The following KCNAB2 variants were observed in gnomAD, a reference collection of about 807,000 sequenced individuals.
KCNAB2 encodes the protein voltage-gated potassium channel subunit beta-2.
Under a neutral mutation model 63.6 loss-of-function variants are expected in KCNAB2, and 29 were observed. The ratio of observed to expected loss-of-function variants is 0.46; its 90% CI spans 0.34 to 0.62. KCNAB2 has a LOEUF of 0.62. KCNAB2 is among the 20% of genes least tolerant of loss of function. The pLI, the probability that KCNAB2 is intolerant of heterozygous loss-of-function variation, is 0.01. For missense variants in KCNAB2, 359 were observed against 563.9 expected (o/e 0.64, Z 3.68); for synonymous variants, 222 against 224.2 (o/e 0.99, Z 0.09).
chr1:6,080,742 A>C (rs1325155858), intron 4 of KCNAB2, among the ~76,000 whole-genome samples: 1 of 152,152 alleles, frequency 6.6e-6, no homozygotes, highest in African/African-American at 2.4e-5. Flanking sequence ...TCCCACGTGC[A>C]GCATTTGGGC....
chr1:6,083,303 G>A (rs1051655096), intron 5 of KCNAB2, among the ~76,000 whole-genome samples: 59 of 152,142 alleles, frequency 3.9e-4, no homozygotes, highest in African/African-American at 2.4e-4. Flanking sequence ...CCACCTCTTC[G>A]CTGCCTGCTT....
intron 1 of KCNAB2, among the ~76,000 whole-genome samples, chr1:6,008,622 C>CAA (rs141192143): frequency 0.019 from 2,617 of 137,650 alleles, 29 homozygotes; most frequent in Middle Eastern, 0.042. Flanking sequence ...GAGACTGTCT[C>CAA]AAAAAAAAAA....
At position 6,096,835 on chromosome 1, in the gene KCNAB2, G is replaced by A; in HGVS notation, c.1069+79G>A. ...TGGCCGTAGGTAACAGGGTGGGGTT[G>A]CCATGGGGCCAGTGTCTCCGGGGAG... On this transcript the variant is annotated intron_variant, in intron 14 of 15. Coordinates refer to ENST00000378083, the MANE Select transcript of KCNAB2 (RefSeq NM_001199862.2). This position sits in a 1 kb window ranked among gnomAD's most constrained non-coding sequence, Gnocchi z 5.9. The A allele has an allele frequency of 6.9e-7, 1 of 1,451,632 alleles. No homozygotes were observed. Among genetic ancestry groups the A allele is most frequent in the Non-Finnish European group, 9.2e-7 (1 of 1,090,922 alleles). 89.9% of individuals were successfully genotyped at this position (1,451,632 alleles called of 1,614,324 possible).
chr1:6,099,864 C>T lies in KCNAB2; in HGVS notation c.*1290C>T, dbSNP rs986165038. ...GCAGGACAGGCCAGAGTGACGCCCC[C>T]GTGCAGCTTGGGCCGGAGGGCAAGG... On this transcript the variant is annotated 3_prime_UTR_variant, in exon 16 of 16. Coordinates refer to ENST00000378083, the MANE Select transcript of KCNAB2 (RefSeq NM_001199862.2). The T allele has an allele frequency of 7.1e-6, 11 of 1,549,164 alleles. No homozygotes were observed. The highest frequency in any genetic ancestry group is 2.7e-5 in the African/African-American group (2 of 73,048).
chr1:6,017,782 C>T (rs1658596393), intron 1 of KCNAB2, among the ~76,000 whole-genome samples: 1 of 149,678 alleles, frequency 6.7e-6, no homozygotes, highest in Non-Finnish European at 1.5e-5. Flanking sequence ...CAGAGCAAGA[C>T]TGTCTCAAAA....
chr1:6,099,617 C>G lies in KCNAB2; in HGVS notation c.*1043C>G. 2.5e-6 allele frequency: 2 copies of G among 799,584 alleles called. No individual in the cohort carries two copies. Among genetic ancestry groups the G allele is most frequent in the East Asian group, 2.8e-5 (1 of 35,128 alleles). 49.5% of individuals were successfully genotyped at this position (799,584 alleles called of 1,614,324 possible). ...GCCAGCCCAGGCCGCTGCTCTGCAC[C>G]GAGCTGGTGGGCTTGGGTTTTGTGG... On this transcript the variant is annotated 3_prime_UTR_variant, in exon 16 of 16. Transcript: ENST00000378083.
chr1:6,082,897 C>T lies in KCNAB2; in HGVS notation c.380+623C>T, dbSNP rs559333609. Among the ~76,000 whole-genome samples, 189 of 152,320 alleles carry T rather than the reference C, an allele frequency of 1.2e-3. 1 individual carries two copies. Among genetic ancestry groups the T allele is most frequent in the African/African-American group, 4.2e-3 (176 of 41,568 alleles). ...TCCTGCCTGGGGCCAGCCAAGTTCCCGTCAGCCGGGCAGGCTGCAGGCCTG... is the reference window on the plus strand; with the variant it reads ...TCCTGCCTGGGGCCAGCCAAGTTCCTGTCAGCCGGGCAGGCTGCAGGCCTG... On this transcript the variant is annotated intron_variant, in intron 5 of 15. Coordinates refer to ENST00000378083, the MANE Select transcript of KCNAB2 (RefSeq NM_001199862.2).
At chr1:6,076,658 G>T (rs1663691850) in intron 4 of KCNAB2, among the ~76,000 whole-genome samples, 1 of 152,204 alleles carries the variant, frequency 6.6e-6, no homozygotes, top group Non-Finnish European at 1.5e-5. Context: ...TCCACCTGGT[G>T]CTCTTTGCCT....
upstream of KCNAB2, among the ~76,000 whole-genome samples, chr1:6,031,435 C>T (rs78883546): frequency 6.6e-6 from 1 of 152,208 alleles, no homozygotes; most frequent in Non-Finnish European, 1.5e-5. The surrounding 1 kb of genome is among the most constrained non-coding windows in gnomAD (Gnocchi z 4.1). Context: ...TCCCAGGCCC[C>T]CCATTCTGCA....
intron 2 of KCNAB2, among the ~76,000 whole-genome samples, chr1:6,056,772 A>G (rs1263886755): frequency 1.3e-5 from 2 of 151,966 alleles, no homozygotes; most frequent in Non-Finnish European, 2.9e-5. Flanking sequence ...GGGTCATCGC[A>G]CTTTCTGTTC....
At position 6,095,577 on chromosome 1, in the gene KCNAB2, G is replaced by A; in HGVS notation, c.901G>A (p.Gly301Ser). The A allele has an allele frequency of 6.2e-7, 1 of 1,613,220 alleles. No individual in the cohort carries two copies. Among genetic ancestry groups the A allele is most frequent in the Non-Finnish European group, 8.5e-7 (1 of 1,179,890 alleles). The change falls in exon 13 of 16, where the codon GGC (glycine) becomes AGC (serine). Residue 301 changes from glycine to serine, a missense_variant. This residue lies in a region of KCNAB2 where 271 missense variants were observed against 476.1 expected (regional missense o/e 0.57). Coordinates refer to ENST00000378083, the MANE Select transcript of KCNAB2 (RefSeq NM_001199862.2). ...CCCTCTGGCCTGTGGCATTGTTTCTGGCAAGTACGACAGTGGCATCCCACC... is the reference window on the plus strand; with the variant it reads ...CCCTCTGGCCTGTGGCATTGTTTCTAGCAAGTACGACAGTGGCATCCCACC... ...WSPLACGIVS[G>S]KYDSGIPPYS...
chr1:5,996,721 C>T (rs1656962206), intron 1 of KCNAB2, among the ~76,000 whole-genome samples: 1 of 152,244 alleles, frequency 6.6e-6, no homozygotes, highest in African/African-American at 2.4e-5. Context: ...GGACCACCTT[C>T]CTGGCCGTCC....
chr1:6,084,544 G>T (rs539999847), intron 5 of KCNAB2, among the ~76,000 whole-genome samples: 1 of 152,176 alleles, frequency 6.6e-6, no homozygotes, highest in Non-Finnish European at 1.5e-5. Context: ...GTCCCGGCGC[G>T]GTGGCTCACG....
At chr1:6,023,955 T>C (rs1973918) in intron 1 of KCNAB2, among the ~76,000 whole-genome samples, 18,454 of 145,622 alleles carry the variant, frequency 0.13, 1,460 homozygotes, top group Middle Eastern at 0.19. Flanking sequence ...TTTTTTTTTT[T>C]CGAGATGGAA....
At chr1:6,023,386 T>C (rs1325239560) in intron 1 of KCNAB2, among the ~76,000 whole-genome samples, 1 of 151,992 alleles carries the variant, frequency 6.6e-6, no homozygotes, top group Admixed American at 6.6e-5. Context: ...CTGTTTTCCA[T>C]AGTGGCTGTA....
rs76397028 is a variant in KCNAB2 at position 6,024,666 on chromosome 1, T to C, written c.-52-15851T>C. Among the ~76,000 whole-genome samples, 1,540 of 152,220 alleles carry C rather than the reference T, an allele frequency of 0.01. 25 individuals carry two copies. Among genetic ancestry groups the C allele is most frequent in the African/African-American group, 0.035 (1,466 of 41,494 alleles). ...GTCTGTGATAGCCGTGAATACAGTC[T>C]GTGTTTGGAGACCCACAGAGTCAGG... is the stretch of plus-strand genomic sequence containing the variant. On this transcript the variant is annotated intron_variant, in intron 1 of 16. Transcript: ENST00000341524. This position sits in a 1 kb window ranked among gnomAD's most constrained non-coding sequence, Gnocchi z 5.4.
intron 1 of KCNAB2, among the ~76,000 whole-genome samples, chr1:6,026,922 G>A (rs1659224926): frequency 6.6e-6 from 1 of 152,168 alleles, no homozygotes; most frequent in African/African-American, 2.4e-5. Flanking sequence ...CTGAGTGGAA[G>A]GCGCGAAGGC....
At chr1:6,090,570 G>A in intron 9 of KCNAB2, 95 bp downstream of exon 9, 3 of 939,460 alleles carry the variant, frequency 3.2e-6, no homozygotes, top group Admixed American at 2.2e-5. Context: ...GGGCCCTGCT[G>A]GGCACCCGGG....
At chr1:6,011,960 G>T (rs1357200071) in intron 1 of KCNAB2, among the ~76,000 whole-genome samples, 1 of 152,192 alleles carries the variant, frequency 6.6e-6, no homozygotes, top group African/African-American at 2.4e-5. Context: ...GCTGGCCTAG[G>T]ATGGTGGAGG....
Sources: gnomAD v4.1 joint callset for allele counts (sites outside exome capture counted in the v4.1 genomes callset) on GRCh38, gnomAD v4.1.1 for gene constraint, gnomAD v4.1.1 regional missense constraint, Gnocchi (gnomAD v3.1) non-coding constraint, MANE v1.5 for transcripts, NCBI Gene and HGNC (gene_info 2026-07-23, HGNC 2026-07-21) for gene names.